The following TENM2 variants were observed in gnomAD, a reference collection of about 807,000 sequenced individuals.
TENM2 encodes the protein teneurin-2.
A neutral mutation model predicts 245.2 loss-of-function variants in TENM2; 52 were observed. The observed-to-expected ratio is 0.21, with a 90% CI of 0.17 to 0.27. The LOEUF (loss-of-function observed/expected upper bound fraction) is 0.27, where lower values mean the gene tolerates loss of function less well. Among genes scored for constraint, TENM2 ranks in the 10% least tolerant of loss-of-function variants. The pLI, the probability that TENM2 is intolerant of heterozygous loss-of-function variation, is 1.00. For missense variants in TENM2, 3,046 were observed against 3,666.8 expected (o/e 0.83, Z 4.37); for synonymous variants, 1,363 against 1,438.9 (o/e 0.95, Z 1.19).
the TENM2 span, among the ~76,000 whole-genome samples, chr5:167,078,628 C>T: frequency 3.9e-5 from 6 of 152,112 alleles, no homozygotes; most frequent in Non-Finnish European, 7.4e-5. Flanking sequence ...TCCTTAAAGT[C>T]TCTGTGAACA....
the TENM2 span, among the ~76,000 whole-genome samples, chr5:167,209,743 C>T: frequency 6.6e-6 from 1 of 152,238 alleles, no homozygotes; most frequent in African/African-American, 2.4e-5. Flanking sequence ...TGAAATCCCA[C>T]ATTCCTCAGG....
chr5:167,518,677 G>T (rs1157399827), intron 2 of TENM2, among the ~76,000 whole-genome samples: 2 of 152,126 alleles, frequency 1.3e-5, no homozygotes, highest in Non-Finnish European at 2.9e-5. Flanking sequence ...TTAACAACAT[G>T]AAAACTGAGA....
chr5:168,253,618 G>A (rs1040256727), intron 27 of TENM2, among the ~76,000 whole-genome samples: 2 of 151,762 alleles, frequency 1.3e-5, no homozygotes, highest in Non-Finnish European at 2.9e-5. Context: ...GTAGAGACGG[G>A]GTTTCACCGT....
intron 5 of TENM2, among the ~76,000 whole-genome samples, chr5:168,012,246 A>C (rs1785274764): frequency 6.6e-6 from 1 of 152,218 alleles, no homozygotes; most frequent in Non-Finnish European, 1.5e-5. Flanking sequence ...AAGATGACAC[A>C]TTCCTTAGCT....
the TENM2 span, among the ~76,000 whole-genome samples, chr5:167,188,821 C>T: frequency 5.3e-5 from 8 of 151,960 alleles, no homozygotes; most frequent in South Asian, 2.1e-4. Context: ...AAAATTTGGA[C>T]GATCGAGACA....
At chr5:167,055,185 A>G in the TENM2 span, among the ~76,000 whole-genome samples, 3 of 152,118 alleles carry the variant, frequency 2.0e-5, no homozygotes, top group Non-Finnish European at 4.4e-5. Context: ...TCTCTGATCC[A>G]TTTTGAGATA....
intron 2 of TENM2, among the ~76,000 whole-genome samples, chr5:167,604,350 T>G (rs1283129546): frequency 6.6e-6 from 1 of 152,194 alleles, no homozygotes; most frequent in East Asian, 1.9e-4. Flanking sequence ...AGTTAATTAG[T>G]GAATTACCAT....
the TENM2 span, among the ~76,000 whole-genome samples, chr5:167,020,773 G>A: frequency 6.6e-6 from 1 of 152,218 alleles, no homozygotes; most frequent in Non-Finnish European, 1.5e-5. Context: ...TATATCCAAT[G>A]TCTGCAATAT....
chr5:167,968,630 A>G (rs1284012422), intron 4 of TENM2, among the ~76,000 whole-genome samples: 2 of 152,160 alleles, frequency 1.3e-5, no homozygotes, highest in Non-Finnish European at 2.9e-5. Context: ...ATCCCGCCCT[A>G]AAGGGAAGGT....
chr5:167,078,586 C>T, the TENM2 span, among the ~76,000 whole-genome samples: 15 of 152,156 alleles, frequency 9.9e-5, 1 homozygote, highest in Admixed American at 9.2e-4. Context: ...TAAATAAATA[C>T]CTTTAATTCT....
At chr5:167,416,415 G>A (rs1049626328) in intron 2 of TENM2, among the ~76,000 whole-genome samples, 1 of 152,138 alleles carries the variant, frequency 6.6e-6, no homozygotes, top group African/African-American at 2.4e-5. Context: ...GGGTTGTTTT[G>A]ATTTAAATAC....
chr5:167,675,812 C>G (rs141721480), intron 2 of TENM2, among the ~76,000 whole-genome samples: 8 of 152,052 alleles, frequency 5.3e-5, no homozygotes, highest in African/African-American at 1.9e-4. Flanking sequence ...GTCAGAGAGT[C>G]GCATTTTCAT....
At chr5:167,220,606 G>A in the TENM2 span, among the ~76,000 whole-genome samples, 31,652 of 151,966 alleles carry the variant, frequency 0.21, 3,897 homozygotes, top group African/African-American at 0.34. Context: ...ATCACGTATA[G>A]GTGCATGACT....
At chr5:167,629,542 A>G (rs552508871) in intron 2 of TENM2, among the ~76,000 whole-genome samples, 2 of 152,338 alleles carry the variant, frequency 1.3e-5, no homozygotes, top group African/African-American at 4.8e-5. Context: ...AGTTGAAATA[A>G]TTCATAGAAA....
At chr5:168,196,120 C>A (rs1761407695) in intron 15 of TENM2, among the ~76,000 whole-genome samples, 1 of 152,146 alleles carries the variant, frequency 6.6e-6, no homozygotes, top group South Asian at 2.1e-4. Flanking sequence ...AAAATGCACT[C>A]TGGAAAATCT....
intron 13 of TENM2, among the ~76,000 whole-genome samples, chr5:168,163,624 G>T (rs1213820262): frequency 6.6e-6 from 1 of 152,122 alleles, no homozygotes; most frequent in African/African-American, 2.4e-5. Flanking sequence ...TGGGCTGCTT[G>T]TTTTCAAGGT....
intron 2 of TENM2, among the ~76,000 whole-genome samples, chr5:167,764,239 T>A (rs1169778902): frequency 6.6e-6 from 1 of 152,162 alleles, no homozygotes; most frequent in Non-Finnish European, 1.5e-5. Flanking sequence ...ATTCTTTATG[T>A]CCTAGTCCAA....
At chr5:167,349,621 G>C (rs1241222930) in intron 1 of TENM2, among the ~76,000 whole-genome samples, 3 of 151,996 alleles carry the variant, frequency 2.0e-5, no homozygotes, top group Non-Finnish European at 4.4e-5. Context: ...CACATATACT[G>C]TATATATACA....
At chr5:168,246,704 G>A in intron 26 of TENM2, 53 bp from the exon 29 acceptor site, 1 of 1,535,932 alleles carries the variant, frequency 6.5e-7, no homozygotes, top group South Asian at 1.2e-5. Flanking sequence ...CTGTTTGAAT[G>A]CTTGGTCCTC....
Sources: gnomAD v4.1 joint callset for allele counts (sites outside exome capture counted in the v4.1 genomes callset) on GRCh38, gnomAD v4.1.1 for gene constraint, MANE v1.5 for transcripts, NCBI Gene and HGNC (gene_info 2026-07-23, HGNC 2026-07-21) for gene names.